Variants in MED13L observed in about 807,000 individuals in gnomAD.
The protein encoded by MED13L is mediator complex subunit 13L.
Under a neutral mutation model 220.9 loss-of-function variants are expected in MED13L, and 7 were observed. The observed-to-expected ratio is 0.03, with a 90% confidence interval of 0.02 to 0.06. The LOEUF (loss-of-function observed/expected upper bound fraction) is 0.06. Among genes scored for constraint, MED13L ranks in the 10% least tolerant of loss-of-function variants. The probability of loss-of-function intolerance (pLI) is 1.00; values close to 1 mark genes in which losing one functional copy is unlikely to be tolerated. For missense variants in MED13L, 1,965 were observed against 2,760.5 expected (o/e 0.71, Z 6.46); for synonymous variants, 1,011 against 1,015.2 (o/e 1.00, Z 0.08).
intron 25 of MED13L, among the ~76,000 whole-genome samples, chr12:115,973,687 T>C (rs1023463096): frequency 3.3e-5 from 5 of 152,076 alleles, no homozygotes; most frequent in African/African-American, 1.2e-4. Flanking sequence ...AAAAGCAGAC[T>C]GGGGAGGAAG....
intron 4 of MED13L, among the ~76,000 whole-genome samples, chr12:116,095,996 T>C (rs761393751): frequency 7.9e-5 from 12 of 151,778 alleles, no homozygotes; most frequent in Non-Finnish European, 1.5e-4. Context: ...CACCAATGAA[T>C]TCCACAAAAA....
chr12:116,198,789 C>A (rs959985013), intron 2 of MED13L, among the ~76,000 whole-genome samples: 1 of 152,062 alleles, frequency 6.6e-6, no homozygotes, highest in African/African-American at 2.4e-5. Context: ...GCATGCAAAA[C>A]CTATTTGATG....
At chr12:116,203,463 A>G (rs1305104199) in intron 2 of MED13L, among the ~76,000 whole-genome samples, 1 of 151,960 alleles carries the variant, frequency 6.6e-6, no homozygotes, top group East Asian at 1.9e-4. Context: ...AAAACAGTCC[A>G]GTGCTAGAGC....
chr12:116,254,041 G>A (rs1388305783), intron 1 of MED13L, among the ~76,000 whole-genome samples: 2 of 151,972 alleles, frequency 1.3e-5, no homozygotes, highest in Non-Finnish European at 2.9e-5. Context: ...GATTACAGGT[G>A]TGAGCCCAGC....
intron 13 of MED13L, 137 bp from the exon 14 acceptor site, chr12:116,003,239 CAG>C (rs1373717087): frequency 1.4e-6 from 1 of 726,682 alleles, no homozygotes; most frequent in Non-Finnish European, 2.4e-6. Context: ...GAAATACCAA[CAG>C]ATAGTGAAAC....
At position 115,961,374 on chromosome 12, in the gene MED13L, A is replaced by G; in HGVS notation, c.6525T>C (p.Ala2175=). The G allele has an allele frequency of 6.2e-7, 1 of 1,613,938 alleles. No homozygotes were observed. The highest frequency in any genetic ancestry group is 1.3e-5 in the African/African-American group (1 of 75,072). ...CCGGATTGCACGTGAGCCAGGACAGAGCGTTGTACTGCTCCAAAACAAACC... is the reference window on the plus strand; with the variant it reads ...CCGGATTGCACGTGAGCCAGGACAGGGCGTTGTACTGCTCCAAAACAAACC... The part of the protein sequence containing the change: ...VLRFVLEQYN[A]LSWLTCNPAT... Residue 2175 remains alanine (A), a synonymous_variant, in exon 31 of 31, where the codon GCT becomes GCC. Transcript: ENST00000281928.
At chr12:116,147,980 G>A (rs1431862289) in intron 2 of MED13L, among the ~76,000 whole-genome samples, 1 of 145,380 alleles carries the variant, frequency 6.9e-6, no homozygotes, top group African/African-American at 2.5e-5. Context: ...TGGCCCGGGA[G>A]GCAGGAGGTT....
intron 15 of MED13L, 34 bp downstream of exon 15, chr12:115,996,976 T>C: frequency 6.3e-7 from 1 of 1,583,966 alleles, no homozygotes; most frequent in Non-Finnish European, 8.7e-7. Flanking sequence ...TGGAAACTGC[T>C]CTGCCCTGGA....
intron 2 of MED13L, among the ~76,000 whole-genome samples, chr12:116,188,953 T>C (rs928972965): frequency 1.3e-5 from 2 of 152,190 alleles, no homozygotes; most frequent in Non-Finnish European, 2.9e-5. Flanking sequence ...CAGTTTAACC[T>C]TTCATCTGCT....
At chr12:116,194,793 T>G (rs1297034126) in intron 2 of MED13L, among the ~76,000 whole-genome samples, 1 of 152,200 alleles carries the variant, frequency 6.6e-6, no homozygotes, top group African/African-American at 2.4e-5. Flanking sequence ...GCATCATAAA[T>G]TGCTTTGAAA....
chr12:116,009,105 G>A lies in MED13L; in HGVS notation c.1308C>T (p.Val436=), dbSNP rs149631695. The A allele has an allele frequency of 8.1e-5, 131 of 1,613,830 alleles. No homozygotes were observed. The highest frequency in any genetic ancestry group is 1.0e-4 in the Non-Finnish European group (119 of 1,179,946). The part of the protein sequence containing the change: ...SRHKLLKRCA[V]GPNRPPTVSQ... The stretch of plus-strand genomic sequence containing the variant: ...ATACTGTGGGAGGTCGATTGGGCCC[G>A]ACTGCACAACGTTTTAAAAGCTTAT... The change falls in exon 10 of 31, where the codon GTC becomes GTT. Residue 436 remains valine (V), a synonymous_variant. Transcript: ENST00000281928.
At chr12:116,182,624 A>G (rs1880608348) in intron 2 of MED13L, among the ~76,000 whole-genome samples, 1 of 151,342 alleles carries the variant, frequency 6.6e-6, no homozygotes. Flanking sequence ...CTACTCTCTC[A>G]CTCTCTCTTT....
At position 115,991,445 on chromosome 12, in the gene MED13L, C is replaced by T. The variant is rs1165927230; in HGVS notation, c.3509G>A (p.Arg1170His). 6.2e-7 allele frequency: 1 copy of T among 1,614,048 alleles called. No homozygotes were observed. The highest frequency in any genetic ancestry group is 8.5e-7 in the Non-Finnish European group (1 of 1,180,006). The change falls in exon 17 of 31, where the codon CGC becomes CAC. Residue 1170 changes from arginine to histidine, a missense_variant. By Grantham distance (29) the Arg-to-His change is conservative. Around this residue, in one of 10 missense-constraint regions of MED13L, gnomAD observed 18 missense variants for 72.4 expected, o/e 0.25. Coordinates refer to ENST00000281928, the MANE Select transcript of MED13L (RefSeq NM_015335.5). This position sits in a 1 kb window ranked among gnomAD's most constrained non-coding sequence, Gnocchi z 7.7. ...GAGTCCTGAATTGTAGCCAAGTTTG[C>T]GGTTCATAATCGCACTAAACCCACA... is the stretch of plus-strand genomic sequence containing the variant. ...CTCGFSAIMN[R>H]KLGYNSGLFL...
rs1438291878 is a variant in MED13L at position 116,180,231 on chromosome 12, A to ATG, written c.310+57235_310+57236dup. Among the ~76,000 whole-genome samples the ATG allele has an allele frequency of 5.9e-5, 9 of 152,270 alleles. No individual in the cohort carries two copies. The East Asian group carries it at 1.7e-3, about 29-fold the overall frequency. ...GCTCCACAAACAACATCCAGCCCAA[A>ATG]TGTCAATACAGGTTGAGCATTCCAA... On this transcript the variant is annotated intron_variant, in intron 2 of 30. Coordinates refer to ENST00000281928, the MANE Select transcript of MED13L (RefSeq NM_015335.5).
intron 18 of MED13L, 65 bp downstream of exon 18, chr12:115,987,044 T>TA: frequency 6.6e-7 from 1 of 1,523,890 alleles, no homozygotes; most frequent in Non-Finnish European, 9.1e-7. Flanking sequence ...TGACAGTAAC[T>TA]AACGCTGCTC....
At chr12:116,091,028 G>A (rs1872151482) in intron 4 of MED13L, among the ~76,000 whole-genome samples, 1 of 150,732 alleles carries the variant, frequency 6.6e-6, no homozygotes, top group East Asian at 2.0e-4. Context: ...GGGAGGCTGA[G>A]GCAGGAGAAT....
intron 4 of MED13L, among the ~76,000 whole-genome samples, chr12:116,087,592 G>A (rs1871807835): frequency 6.6e-6 from 1 of 152,112 alleles, no homozygotes; most frequent in African/African-American, 2.4e-5. Context: ...TTTACTAACA[G>A]CACACTACGA....
At chr12:116,075,315 T>C (rs1870694270) in intron 4 of MED13L, among the ~76,000 whole-genome samples, 1 of 152,186 alleles carries the variant, frequency 6.6e-6, no homozygotes, top group Non-Finnish European at 1.5e-5. Flanking sequence ...GGAGTATCAC[T>C]ACTACTACCA....
intron 2 of MED13L, among the ~76,000 whole-genome samples, chr12:116,124,152 C>CGGAGACAGAG (rs1875361940): frequency 1.8e-5 from 2 of 108,692 alleles, no homozygotes; most frequent in African/African-American, 6.2e-5. Context: ...GAGAGAGAGA[C>CGGAGACAGAG]AGAGACAGAG....
Sources: allele counts gnomAD v4.1 joint callset (sites outside exome capture counted in the v4.1 genomes callset), GRCh38; gene constraint gnomAD v4.1.1; regional missense constraint gnomAD v4.1.1; non-coding constraint Gnocchi (gnomAD v3.1); transcripts MANE v1.5; gene names NCBI Gene and HGNC (gene_info 2026-07-23, HGNC 2026-07-21).